Variants in GPR158 observed in about 807,000 individuals in gnomAD.
GPR158 encodes the protein metabotropic glycine receptor.
Under a neutral mutation model 78.2 loss-of-function variants are expected in GPR158, and 30 were observed. The ratio of observed to expected loss-of-function variants is 0.38; its 90% CI spans 0.29 to 0.52. The LOEUF is 0.52. Among genes scored for constraint, GPR158 ranks in the 20% least tolerant of loss-of-function variants. The pLI is 0.83. For missense variants in GPR158, 1,463 were observed against 1,523.5 expected, an observed-to-expected ratio of 0.96 and a Z score of 0.66; for synonymous variants, 581 against 591.1, an observed-to-expected ratio of 0.98 and a Z score of 0.25.
chr10:25,363,354 T>G (rs1213825451), intron 2 of GPR158, among the ~76,000 whole-genome samples: 1 of 151,952 alleles, frequency 6.6e-6, no homozygotes, highest in Non-Finnish European at 1.5e-5. Flanking sequence ...TGTTAATATT[T>G]AATTCATATG....
At chr10:25,266,161 T>C (rs1425382424) in intron 2 of GPR158, among the ~76,000 whole-genome samples, 1 of 152,230 alleles carries the variant, frequency 6.6e-6, no homozygotes, top group Non-Finnish European at 1.5e-5. Context: ...TCAGGAATCT[T>C]GCTCTGACCT....
chr10:25,584,924 G>A (rs1279220444), intron 7 of GPR158, among the ~76,000 whole-genome samples: 3 of 152,208 alleles, frequency 2.0e-5, no homozygotes, highest in Non-Finnish European at 4.4e-5. Context: ...ACTTTTATAG[G>A]CTGGAGATGG....
At chr10:25,582,991 T>C (rs1481136285) in intron 7 of GPR158, among the ~76,000 whole-genome samples, 3 of 152,154 alleles carry the variant, frequency 2.0e-5, no homozygotes, top group Admixed American at 6.5e-5. Context: ...GTTAAGAAAA[T>C]CTCAGCCAAG....
At position 25,501,703 on chromosome 10, in the gene GPR158, G is replaced by A. The variant is rs35816343; in HGVS notation, c.1404+34984G>A. Among the ~76,000 whole-genome samples the A allele has an allele frequency of 7.2e-3, 1,095 of 152,240 alleles. 9 individuals carry two copies. The highest frequency in any genetic ancestry group is 0.02 in the Middle Eastern group (6 of 294). Reference sequence around the variant, plus strand: ...TGTATATTCCCGACTCAAGTAGCCGGAGCAGACTTGTACCTGCAAACTGGG... The same window carrying A: ...TGTATATTCCCGACTCAAGTAGCCGAAGCAGACTTGTACCTGCAAACTGGG... On this transcript the variant is annotated intron_variant, in intron 5 of 10. Transcript: ENST00000376351.
At chr10:25,278,928 G>A (rs1854225765) in intron 2 of GPR158, among the ~76,000 whole-genome samples, 1 of 151,812 alleles carries the variant, frequency 6.6e-6, no homozygotes, top group Non-Finnish European at 1.5e-5. Flanking sequence ...AATAATCCCA[G>A]AAAGATGTTC....
chr10:25,456,128 C>T (rs1011686205), intron 4 of GPR158, among the ~76,000 whole-genome samples: 35 of 152,128 alleles, frequency 2.3e-4, no homozygotes, highest in Non-Finnish European at 4.4e-5. Flanking sequence ...TACAATACTG[C>T]TATTTTAAAT....
Position 25,176,350 on chromosome 10 carries a change from AG to A in GPR158, c.902+30del. On this transcript the variant is annotated intron_variant, in intron 1 of 10. Transcript: ENST00000376351. This position sits in a 1 kb window ranked among gnomAD's most constrained non-coding sequence, Gnocchi z 6.3. Reference sequence around the variant, plus strand: ...AGGGAGGGCCGGGGGGCAGGGGGGAAGGCAAAAGCGAAGCTTTCCTTCCGGT... The same window carrying A: ...AGGGAGGGCCGGGGGGCAGGGGGGAAGCAAAAGCGAAGCTTTCCTTCCGGT... 1 of 1,513,828 alleles carries A rather than the reference AG, an allele frequency of 6.6e-7. No individual in the cohort carries two copies. Among genetic ancestry groups the A allele is most frequent in the East Asian group, 2.3e-5 (1 of 44,010 alleles). The allele number at this position is 1,513,828 out of a possible 1,614,324, so 93.8% of individuals were successfully genotyped here.
At chr10:25,409,290 C>G (rs1457547016) in intron 3 of GPR158, among the ~76,000 whole-genome samples, 1 of 152,108 alleles carries the variant, frequency 6.6e-6, no homozygotes, top group African/African-American at 2.4e-5. Flanking sequence ...TGTATGCTAC[C>G]AATAATTGTA....
chr10:25,230,526 A>G (rs1853433529), intron 2 of GPR158, among the ~76,000 whole-genome samples: 1 of 152,176 alleles, frequency 6.6e-6, no homozygotes, highest in Admixed American at 6.5e-5. Flanking sequence ...TTGAAACCTT[A>G]CTTTTTGAAG....
At chr10:25,458,673 TGAA>T (rs1483775303) in intron 4 of GPR158, among the ~76,000 whole-genome samples, 1 of 152,202 alleles carries the variant, frequency 6.6e-6, no homozygotes, top group Non-Finnish European at 1.5e-5. Context: ...ATCTTATAAA[TGAA>T]GAAACTGAGG....
chr10:25,496,028 A>G (rs1835876709), intron 5 of GPR158, among the ~76,000 whole-genome samples: 1 of 152,032 alleles, frequency 6.6e-6, no homozygotes, highest in South Asian at 2.1e-4. Context: ...ACAACCAAAA[A>G]TATCTTCAGA....
At chr10:25,352,716 T>C (rs74123871) in intron 2 of GPR158, among the ~76,000 whole-genome samples, 11,699 of 151,982 alleles carry the variant, frequency 0.077, 1,096 homozygotes, top group African/African-American at 0.23. Flanking sequence ...AGGATAAAGG[T>C]GACTAATGAT....
intron 4 of GPR158, among the ~76,000 whole-genome samples, chr10:25,453,920 T>C (rs1401744854): frequency 6.6e-6 from 1 of 152,182 alleles, no homozygotes; most frequent in African/African-American, 2.4e-5. Flanking sequence ...TTGGGGTCTT[T>C]TGTGGTTTAC....
At chr10:25,405,869 G>A (rs944029698) in intron 3 of GPR158, among the ~76,000 whole-genome samples, 3 of 152,056 alleles carry the variant, frequency 2.0e-5, no homozygotes, top group Non-Finnish European at 4.4e-5. Context: ...TTAACATCAT[G>A]ATTAGAGTTA....
intron 5 of GPR158, among the ~76,000 whole-genome samples, chr10:25,527,082 G>A (rs1042690934): frequency 4.1e-5 from 6 of 145,458 alleles, no homozygotes; most frequent in African/African-American, 1.6e-4. Context: ...CAATTCATCA[G>A]GAAGCCATGA....
intron 2 of GPR158, among the ~76,000 whole-genome samples, chr10:25,227,148 T>G (rs536739530): frequency 6.6e-6 from 1 of 152,228 alleles, no homozygotes; most frequent in Non-Finnish European, 1.5e-5. Flanking sequence ...TCGAATTGTT[T>G]CAAAGCTAGG....
chr10:25,362,773 C>T (rs35434743), intron 2 of GPR158, among the ~76,000 whole-genome samples: 20,926 of 151,752 alleles, frequency 0.14, 1,726 homozygotes, highest in African/African-American at 0.23. Context: ...TAACTGATTT[C>T]TGTGTGTTGA....
intron 4 of GPR158, among the ~76,000 whole-genome samples, chr10:25,431,659 C>G (rs1279720118): frequency 4.0e-5 from 6 of 148,340 alleles, no homozygotes; most frequent in Non-Finnish European, 9.0e-5. Context: ...CACATATACA[C>G]CATGGAATAC....
chr10:25,179,356 A>G (rs1051518569), intron 1 of GPR158, among the ~76,000 whole-genome samples: 1 of 152,196 alleles, frequency 6.6e-6, no homozygotes, highest in African/African-American at 2.4e-5. Context: ...AAATCCATTG[A>G]TAATGGTTTA....
Sources: gnomAD v4.1 joint callset for allele counts (sites outside exome capture counted in the v4.1 genomes callset) on GRCh38, gnomAD v4.1.1 for gene constraint, Gnocchi (gnomAD v3.1) non-coding constraint, MANE v1.5 for transcripts, NCBI Gene and HGNC (gene_info 2026-07-23, HGNC 2026-07-21) for gene names.